DOCK10: variants seen among roughly 807,000 people sequenced by gnomAD.
DOCK10 encodes the protein dedicator of cytokinesis protein 10.
DOCK10 carries 145 observed loss-of-function variants against 280.1 expected under a neutral mutation model. That is an observed-to-expected ratio of 0.52 (90% confidence interval 0.45 to 0.59). The LOEUF (loss-of-function observed/expected upper bound fraction) is 0.59, where lower values mean the gene tolerates loss of function less well. Ranked by LOEUF, DOCK10 falls within the 20% of genes least tolerant of loss-of-function variation. The probability of loss-of-function intolerance (pLI) is 0.00; values close to 1 mark genes in which losing one functional copy is unlikely to be tolerated. For missense variants in DOCK10, 2,368 were observed against 2,651.7 expected (o/e 0.89, Z 2.35); for synonymous variants, 915 against 942.2 (o/e 0.97, Z 0.53).
chr2:224,995,271 T>C (rs933416738), intron 1 of DOCK10, among the ~76,000 whole-genome samples: 1 of 152,226 alleles, frequency 6.6e-6, no homozygotes, highest in Non-Finnish European at 1.5e-5. Context: ...TTTAGTCCCA[T>C]TCAGAGCGGG....
intron 55 of DOCK10, among the ~76,000 whole-genome samples, chr2:224,767,103 C>A (rs1440221785): frequency 6.6e-6 from 1 of 152,188 alleles, no homozygotes; most frequent in East Asian, 1.9e-4. Flanking sequence ...GGGGCCTTTA[C>A]CCATTCCTGA....
chr2:224,909,059 G>A (rs990758047), intron 3 of DOCK10, among the ~76,000 whole-genome samples: 2 of 152,102 alleles, frequency 1.3e-5, no homozygotes, highest in Non-Finnish European at 2.9e-5. Flanking sequence ...TCAATTCTTT[G>A]CTCCCTCATC....
chr2:224,770,505 G>C lies in DOCK10; in HGVS notation c.6305+40C>G, dbSNP rs1559359093. 3.1e-6 allele frequency: 5 copies of C among 1,589,070 alleles called. No homozygotes were observed. Among genetic ancestry groups the C allele is most frequent in the Non-Finnish European group, 4.3e-6 (5 of 1,157,604 alleles). ...GGGGGATTGAGGACTCCCTGTCTCA[G>C]GAAGTTCAAGGAAGAACATCCCAAC... On this transcript the variant is annotated intron_variant, in intron 54 of 55. Coordinates refer to ENST00000258390, the MANE Select transcript of DOCK10 (RefSeq NM_014689.3). The surrounding 1 kb of genome is among the most constrained non-coding windows in gnomAD (Gnocchi z 4.5).
intron 1 of DOCK10, among the ~76,000 whole-genome samples, chr2:224,936,118 T>G (rs893581238): frequency 1.3e-5 from 2 of 152,128 alleles, no homozygotes; most frequent in Admixed American, 1.3e-4. Context: ...GTGATGTGCT[T>G]TGGGAAGGAC....
At chr2:224,831,596 G>T (rs1198116852) in intron 26 of DOCK10, among the ~76,000 whole-genome samples, 1 of 152,360 alleles carries the variant, frequency 6.6e-6, no homozygotes, top group Non-Finnish European at 1.5e-5. Context: ...GCTCATGCCA[G>T]ATTTTGTCAT....
chr2:224,996,127 G>T (rs78681315), intron 1 of DOCK10, among the ~76,000 whole-genome samples: 1 of 152,160 alleles, frequency 6.6e-6, no homozygotes, highest in Non-Finnish European at 1.5e-5. Flanking sequence ...CAAGTACTTC[G>T]TTTCTCTCCT....
At chr2:224,853,359 A>G (rs1264853553) in intron 16 of DOCK10, among the ~76,000 whole-genome samples, 1 of 152,248 alleles carries the variant, frequency 6.6e-6, no homozygotes, top group Admixed American at 6.5e-5. Context: ...TTTTAGACGG[A>G]TTTATAACTA....
At chr2:224,816,212 T>A (rs1215090066) in intron 30 of DOCK10, among the ~76,000 whole-genome samples, 1 of 148,664 alleles carries the variant, frequency 6.7e-6, no homozygotes, top group African/African-American at 2.4e-5. Flanking sequence ...AATACATATA[T>A]ATTTATATAT....
intron 50 of DOCK10, among the ~76,000 whole-genome samples, chr2:224,783,483 C>T (rs147858565): frequency 5.3e-5 from 8 of 152,086 alleles, no homozygotes; most frequent in South Asian, 2.1e-4. Context: ...ACTGTGTTAG[C>T]CAGGATGGTC....
intron 1 of DOCK10, among the ~76,000 whole-genome samples, chr2:224,998,138 T>C (rs1023281394): frequency 2.0e-5 from 3 of 152,216 alleles, no homozygotes; most frequent in African/African-American, 7.2e-5. Context: ...TCTCATTACT[T>C]TCAATCTCAT....
chr2:224,911,767 G>A (rs953198852), intron 3 of DOCK10, among the ~76,000 whole-genome samples: 9 of 152,130 alleles, frequency 5.9e-5, no homozygotes, highest in African/African-American at 2.2e-4. Context: ...TACAAATGCC[G>A]TATACACCCC....
At chr2:224,916,645 T>C in intron 3 of DOCK10, 50 bp downstream of exon 3, 1 of 1,349,068 alleles carries the variant, frequency 7.4e-7, no homozygotes, top group Non-Finnish European at 1.0e-6. Flanking sequence ...GAGAATCCCC[T>C]GGGAAAAAGC....
intron 3 of DOCK10, among the ~76,000 whole-genome samples, chr2:224,912,832 T>C (rs751420154): frequency 6.6e-6 from 1 of 151,814 alleles, no homozygotes; most frequent in African/African-American, 2.4e-5. Context: ...TTGAGACCAG[T>C]GTGGCCAACA....
chr2:224,985,235 C>T (rs912411349), intron 1 of DOCK10, among the ~76,000 whole-genome samples: 1 of 151,988 alleles, frequency 6.6e-6, no homozygotes, highest in African/African-American at 2.4e-5. Flanking sequence ...TTTATTAAAC[C>T]TAAAATGCTA....
chr2:225,002,409 C>T (rs1706464003), intron 1 of DOCK10, among the ~76,000 whole-genome samples: 1 of 152,128 alleles, frequency 6.6e-6, no homozygotes, highest in Non-Finnish European at 1.5e-5. Flanking sequence ...AGGCACAGAC[C>T]AAGAACAGCA....
At chr2:224,862,771 T>G (rs1298638798) in intron 13 of DOCK10, 25 bp from the exon 14 acceptor site, 7 of 1,414,702 alleles carry the variant, frequency 4.9e-6, no homozygotes, top group Non-Finnish European at 5.9e-6. Flanking sequence ...AATACAAATA[T>G]TGTTTAGAAT....
chr2:224,842,336 T>C lies in DOCK10; in HGVS notation c.2569-440A>G, dbSNP rs143415204. Among the ~76,000 whole-genome samples, 698 of 152,348 alleles carry C rather than the reference T, an allele frequency of 4.6e-3. 5 individuals carry two copies. The highest frequency in any genetic ancestry group is 0.016 in the African/African-American group (664 of 41,582). ...ATTTTTAGGCTTAGAATGCCTGAAT[T>C]AGCCCCAGATTAGAAAGTCCACAAC... On this transcript the variant is annotated intron_variant, in intron 22 of 55. Transcript: ENST00000258390.
At chr2:224,961,482 TTCTC>T (rs1332895183) in intron 1 of DOCK10, among the ~76,000 whole-genome samples, 53 of 145,456 alleles carry the variant, frequency 3.6e-4, no homozygotes, top group Non-Finnish European at 6.8e-4. Flanking sequence ...CTTTCTTTCT[TTCTC>T]TTTCTTTCCT....
At chr2:224,852,099 A>C (rs1696785391) in intron 18 of DOCK10, among the ~76,000 whole-genome samples, 1 of 152,220 alleles carries the variant, frequency 6.6e-6, no homozygotes, top group Non-Finnish European at 1.5e-5. Context: ...TCTTTGAAAA[A>C]GGCAACATTT....
Sources: gnomAD v4.1 joint callset for allele counts (sites outside exome capture counted in the v4.1 genomes callset) on GRCh38, gnomAD v4.1.1 for gene constraint, Gnocchi (gnomAD v3.1) non-coding constraint, MANE v1.5 for transcripts, NCBI Gene and HGNC (gene_info 2026-07-23, HGNC 2026-07-21) for gene names.